The following LSAMP variants were observed in gnomAD, a reference collection of about 807,000 sequenced individuals.
LSAMP encodes the protein limbic system associated membrane protein.
In LSAMP, 7 loss-of-function variants were observed where a neutral mutation model predicts 38.6. The observed-to-expected ratio is 0.18, with a 90% confidence interval of 0.10 to 0.34. The LOEUF (loss-of-function observed/expected upper bound fraction) is 0.34. Among genes scored for constraint, LSAMP ranks in the 10% least tolerant of loss-of-function variants. LSAMP has a pLI of 1.00. For synonymous variants in LSAMP, 154 were observed against 166.8 expected, an observed-to-expected ratio of 0.92 and a Z score of 0.59; for missense variants, 313 against 420.0, an observed-to-expected ratio of 0.75 and a Z score of 2.23.
At position 115,803,377 on chromosome 3, in the gene LSAMP, CA is replaced by C. The variant is rs913661419; in HGVS notation, c.*6939del. The C allele has an allele frequency of 6.6e-6, 1 of 152,210 alleles. No homozygotes were observed. Among genetic ancestry groups the C allele is most frequent in the African/African-American group, 2.4e-5 (1 of 41,460 alleles). The allele number at this position is 152,210 out of a possible 1,614,324, so 9.4% of individuals were successfully genotyped here. On this transcript the variant is annotated 3_prime_UTR_variant, in exon 7 of 7. Transcript: ENST00000490035. ...CTTCTGTTCTTTCAGACAATAAAATCAAAGGACAACTTTGGATAGATGCTAA... is the reference window on the plus strand; with the variant it reads ...CTTCTGTTCTTTCAGACAATAAAATCAAGGACAACTTTGGATAGATGCTAA...
rs1219296323 is a variant in LSAMP, at chr3:116,232,699, C to CTTTTTTTTTTTTTTTT, written c.156-146159_156-146144dup. 1.5e-3 allele frequency among the ~76,000 whole-genome samples: 150 copies of CTTTTTTTTTTTTTTTT among 99,366 alleles called. 5 individuals are homozygous for CTTTTTTTTTTTTTTTT. Among genetic ancestry groups the CTTTTTTTTTTTTTTTT allele is most frequent in the Non-Finnish European group, 2.1e-3 (102 of 48,442 alleles). The allele number at this position is 99,366 out of a possible 152,430, so 65.2% of individuals were successfully genotyped here. ...TTAATTTTCTTTTCTTTCTTTCTTTCTTTTTTTTTTTTTTTTTCCAGCAGG... is the reference window on the plus strand; with the variant it reads ...TTAATTTTCTTTTCTTTCTTTCTTTCTTTTTTTTTTTTTTTTTTTTTTTTTTTTTTTTTCCAGCAGG... On this transcript the variant is annotated intron_variant, in intron 1 of 6. Coordinates refer to ENST00000490035, the MANE Select transcript of LSAMP (RefSeq NM_002338.5).
At chr3:116,032,423 A>T (rs963477587) in intron 2 of LSAMP, among the ~76,000 whole-genome samples, 2 of 152,148 alleles carry the variant, frequency 1.3e-5, no homozygotes, top group Non-Finnish European at 2.9e-5. Flanking sequence ...GACTGAAATC[A>T]CAAAGCTAGA....
At chr3:116,200,031 T>C (rs1457647045) in intron 1 of LSAMP, among the ~76,000 whole-genome samples, 1 of 151,840 alleles carries the variant, frequency 6.6e-6, no homozygotes, top group African/African-American at 2.4e-5. Flanking sequence ...GCTATGGTAA[T>C]AGAATAATCA....
At chr3:116,040,140 T>A (rs1941137185) in intron 2 of LSAMP, among the ~76,000 whole-genome samples, 1 of 152,218 alleles carries the variant, frequency 6.6e-6, no homozygotes, top group Admixed American at 6.5e-5. Flanking sequence ...GATAGTTTTA[T>A]CCTTCCTGGG....
intron 1 of LSAMP, among the ~76,000 whole-genome samples, chr3:116,263,394 C>T (rs1201708435): frequency 2.0e-5 from 3 of 151,766 alleles, no homozygotes; most frequent in Non-Finnish European, 4.4e-5. Flanking sequence ...AAAAATTAGC[C>T]GGGCATGGCG....
rs112389843 is a variant in LSAMP at position 116,003,714 on chromosome 3, C to A, written c.514+15801G>T. On this transcript the variant is annotated intron_variant, in intron 3 of 6. Transcript: ENST00000490035. The stretch of plus-strand genomic sequence containing the variant: ...AAGGGAGATTTGAGACACACAGATA[C>A]AAAAACACAGAAGACAAGGCCATGT... Among the ~76,000 whole-genome samples the A allele has an allele frequency of 2.5e-3, 377 of 152,186 alleles. 1 individual carries two copies. Among genetic ancestry groups the A allele is most frequent in the Admixed American group, 3.7e-3 (56 of 15,268 alleles).
At chr3:116,346,509 G>C (rs1015239336) in intron 1 of LSAMP, among the ~76,000 whole-genome samples, 2 of 151,546 alleles carry the variant, frequency 1.3e-5, no homozygotes, top group African/African-American at 4.8e-5. Context: ...TTGTATTTTT[G>C]GTAGAGACTG....
intron 1 of LSAMP, among the ~76,000 whole-genome samples, chr3:116,179,615 G>A (rs751099971): frequency 2.6e-5 from 4 of 152,068 alleles, no homozygotes; most frequent in Non-Finnish European, 4.4e-5. Context: ...TTACATGGCC[G>A]GAGCAGGAGG....
chr3:116,133,031 G>A (rs373179395), intron 1 of LSAMP, among the ~76,000 whole-genome samples: 18 of 152,244 alleles, frequency 1.2e-4, no homozygotes, highest in Admixed American at 6.5e-4. Context: ...AAAGTTTTGT[G>A]ACACGGCCAA....
At chr3:115,819,184 G>T (rs573152190) in intron 6 of LSAMP, among the ~76,000 whole-genome samples, 1 of 150,956 alleles carries the variant, frequency 6.6e-6, no homozygotes, top group South Asian at 2.1e-4. Flanking sequence ...AGTGGCTCAC[G>T]CCTGTAATCC....
chr3:116,370,285 C>T (rs2048413285), intron 1 of LSAMP, among the ~76,000 whole-genome samples: 1 of 152,046 alleles, frequency 6.6e-6, no homozygotes, highest in Non-Finnish European at 1.5e-5. Context: ...AAGAATTCAA[C>T]AAGAACAAGA....
At chr3:115,959,308 A>G (rs1356901571) in intron 3 of LSAMP, among the ~76,000 whole-genome samples, 4 of 152,164 alleles carry the variant, frequency 2.6e-5, no homozygotes, top group Non-Finnish European at 4.4e-5. Flanking sequence ...CTAAAGGTCC[A>G]AAATTTTAGG....
chr3:116,310,919 T>G (rs1011025395), intron 1 of LSAMP, among the ~76,000 whole-genome samples: 4 of 152,012 alleles, frequency 2.6e-5, no homozygotes, highest in Middle Eastern at 3.4e-3. Context: ...AAGTTGTTTT[T>G]TTTTTTTTTT....
intron 2 of LSAMP, among the ~76,000 whole-genome samples, chr3:116,046,384 C>A (rs759716896): frequency 1.8e-4 from 27 of 152,048 alleles, no homozygotes; most frequent in Non-Finnish European, 3.8e-4. Context: ...CATGACTTCA[C>A]CTTTGGAAAA....
At chr3:116,144,229 C>T (rs1709439125) in intron 1 of LSAMP, among the ~76,000 whole-genome samples, 1 of 151,938 alleles carries the variant, frequency 6.6e-6, no homozygotes, top group African/African-American at 2.4e-5. Flanking sequence ...AGCTCATTAA[C>T]TCTGTTGTTC....
intron 1 of LSAMP, among the ~76,000 whole-genome samples, chr3:116,239,928 TATGA>T (rs1209132530): frequency 3.9e-5 from 6 of 152,208 alleles, no homozygotes; most frequent in African/African-American, 1.4e-4. Context: ...TACTTCTTTA[TATGA>T]ATAAGTTTAT....
At chr3:116,414,670 T>C (rs1378158039) in intron 1 of LSAMP, among the ~76,000 whole-genome samples, 1 of 152,098 alleles carries the variant, frequency 6.6e-6, no homozygotes, top group Admixed American at 6.5e-5. Context: ...CTGAGAGAAA[T>C]CAAACTGTGT....
At chr3:115,946,900 T>C (rs1938115968) in intron 3 of LSAMP, among the ~76,000 whole-genome samples, 1 of 152,058 alleles carries the variant, frequency 6.6e-6, no homozygotes. Context: ...ATGTCAAACA[T>C]ATATGTTTAG....
intron 1 of LSAMP, among the ~76,000 whole-genome samples, chr3:116,327,579 T>G (rs531675494): frequency 1.3e-5 from 2 of 152,286 alleles, no homozygotes; most frequent in African/African-American, 4.8e-5. Context: ...TATATAACCT[T>G]ATTTTCTAGT....
Sources: gnomAD v4.1 joint callset for allele counts (sites outside exome capture counted in the v4.1 genomes callset) on GRCh38, gnomAD v4.1.1 for gene constraint, MANE v1.5 for transcripts, NCBI Gene and HGNC (gene_info 2026-07-23, HGNC 2026-07-21) for gene names.